SLC25A12: variants seen among roughly 807,000 people sequenced by gnomAD.
The protein encoded by SLC25A12 is solute carrier family 25 member 12.
A neutral mutation model predicts 83.3 loss-of-function variants in SLC25A12; 32 were observed. The observed-to-expected ratio is 0.38, with a 90% confidence interval of 0.29 to 0.52. The LOEUF is 0.52. SLC25A12 is among the 20% of genes least tolerant of loss of function. The pLI, the probability that SLC25A12 is intolerant of heterozygous loss-of-function variation, is 0.84. For synonymous variants in SLC25A12, 267 were observed against 291.1 expected (o/e 0.92, Z 0.84); for missense variants, 611 against 835.6 (o/e 0.73, Z 3.31).
At chr2:171,794,053 T>C (rs1179721742) in intron 13 of SLC25A12, among the ~76,000 whole-genome samples, 1 of 152,128 alleles carries the variant, frequency 6.6e-6, no homozygotes, top group Non-Finnish European at 1.5e-5. Flanking sequence ...CCCAGCCATA[T>C]TCAAAATAAC....
Position 171,827,355 on chromosome 2 carries a change from A to C in SLC25A12, c.846-473T>G, listed in dbSNP as rs551050938. 1.1e-4 allele frequency among the ~76,000 whole-genome samples: 17 copies of C among 150,838 alleles called. 1 individual carries two copies. Among genetic ancestry groups the C allele is most frequent in the Middle Eastern group, 3.4e-3 (1 of 294 alleles). ...TTTCCAACCCTTTGAGTTTTGACCC[A>C]TTTTTAGGCAGGAGAATAGGGTCTG... is the stretch of plus-strand genomic sequence containing the variant. On this transcript the variant is annotated intron_variant, in intron 8 of 17. Transcript: ENST00000422440.
At chr2:171,878,104 AC>A (rs1013076704) in intron 2 of SLC25A12, among the ~76,000 whole-genome samples, 1 of 152,164 alleles carries the variant, frequency 6.6e-6, no homozygotes, top group Non-Finnish European at 1.5e-5. Flanking sequence ...GAAACTGTGT[AC>A]CAGGCACTAT....
intron 11 of SLC25A12, among the ~76,000 whole-genome samples, chr2:171,812,816 T>TA (rs1335409200): frequency 1.4e-5 from 2 of 144,516 alleles, no homozygotes; most frequent in Admixed American, 6.9e-5. Flanking sequence ...TTTTTTTTTT[T>TA]AAACCTTCAG....
chr2:171,871,290 C>CG (rs1210616738), intron 2 of SLC25A12, among the ~76,000 whole-genome samples: 4 of 152,104 alleles, frequency 2.6e-5, no homozygotes, highest in Non-Finnish European at 5.9e-5. Context: ...AGTGGCCGGG[C>CG]GCAGTGGCTC....
intron 2 of SLC25A12, among the ~76,000 whole-genome samples, chr2:171,882,138 C>CA (rs1685707318): frequency 1.3e-5 from 2 of 152,152 alleles, no homozygotes; most frequent in African/African-American, 4.8e-5. Context: ...CCTAGGCTTC[C>CA]AGGTTTTCCA....
chr2:171,859,566 C>T (rs140940663), intron 3 of SLC25A12, among the ~76,000 whole-genome samples: 102 of 152,216 alleles, frequency 6.7e-4, no homozygotes, highest in African/African-American at 2.4e-3. Context: ...AAACATTATG[C>T]TAAATGAAAT....
intron 3 of SLC25A12, among the ~76,000 whole-genome samples, chr2:171,867,994 G>A (rs1047585235): frequency 3.3e-5 from 5 of 151,972 alleles, no homozygotes; most frequent in African/African-American, 4.8e-5. Context: ...ACAGGCGCCC[G>A]TCACCGTGTC....
intron 8 of SLC25A12, among the ~76,000 whole-genome samples, chr2:171,833,071 A>T (rs1157859435): frequency 6.6e-6 from 1 of 152,134 alleles, no homozygotes; most frequent in African/African-American, 2.4e-5. Flanking sequence ...ATGTTTGTTC[A>T]TCTTTTTACC....
At chr2:171,819,464 T>A (rs565109467) in intron 9 of SLC25A12, among the ~76,000 whole-genome samples, 43 of 103,300 alleles carry the variant, frequency 4.2e-4, no homozygotes, top group South Asian at 2.3e-3. Flanking sequence ...TATTATATAT[T>A]ATATATATTA....
At chr2:171,882,089 T>G (rs1479137188) in intron 2 of SLC25A12, among the ~76,000 whole-genome samples, 1 of 152,194 alleles carries the variant, frequency 6.6e-6, no homozygotes, top group African/African-American at 2.4e-5. Flanking sequence ...AGGCACAGAA[T>G]CTCTTGCCAT....
At chr2:171,858,124 T>C (rs1036720120) in intron 3 of SLC25A12, among the ~76,000 whole-genome samples, 4 of 152,088 alleles carry the variant, frequency 2.6e-5, no homozygotes, top group African/African-American at 9.7e-5. Context: ...TGCTGCTCAT[T>C]AGTAATGAGT....
intron 3 of SLC25A12, among the ~76,000 whole-genome samples, chr2:171,857,155 C>T (rs1383333166): frequency 6.6e-6 from 1 of 151,890 alleles, no homozygotes; most frequent in Non-Finnish European, 1.5e-5. Context: ...TGCTTGAGTC[C>T]AGGAGTTTAA....
chr2:171,836,147 G>C (rs1334381924), intron 6 of SLC25A12, among the ~76,000 whole-genome samples: 2 of 151,126 alleles, frequency 1.3e-5, no homozygotes, highest in African/African-American at 2.4e-5. Context: ...ATGAGGTGAG[G>C]GCAGGGGAGT....
At chr2:171,861,430 C>A (rs1239920958) in intron 3 of SLC25A12, among the ~76,000 whole-genome samples, 3 of 152,080 alleles carry the variant, frequency 2.0e-5, no homozygotes, top group Non-Finnish European at 2.9e-5. Flanking sequence ...TTTTAAGAAA[C>A]AAGGTCTCAA....
chr2:171,823,134 G>C (rs554366823), intron 9 of SLC25A12, among the ~76,000 whole-genome samples: 1 of 152,268 alleles, frequency 6.6e-6, no homozygotes, highest in African/African-American at 2.4e-5. Flanking sequence ...GTTAACTGAG[G>C]AATGTTTTTT....
intron 5 of SLC25A12, among the ~76,000 whole-genome samples, chr2:171,844,045 A>T (rs1684740788): frequency 6.6e-6 from 1 of 152,194 alleles, no homozygotes; most frequent in Non-Finnish European, 1.5e-5. Context: ...TCGGCCTCCC[A>T]AAGTGCTGGG....
chr2:171,871,129 G>A (rs1006284709), intron 2 of SLC25A12, among the ~76,000 whole-genome samples: 2 of 152,136 alleles, frequency 1.3e-5, no homozygotes, highest in African/African-American at 4.8e-5. Flanking sequence ...TGGAACTTGG[G>A]AGGTCGAGAC....
chr2:171,835,666 T>C (rs1684539394), intron 6 of SLC25A12, among the ~76,000 whole-genome samples: 1 of 152,260 alleles, frequency 6.6e-6, no homozygotes, highest in Non-Finnish European at 1.5e-5. Flanking sequence ...GAGGAACCCA[T>C]ATGATTGAAA....
At position 171,785,080 on chromosome 2, in the gene SLC25A12, T is replaced by C. The variant is rs1339301811; in HGVS notation, c.*194A>G. 3.4e-6 allele frequency: 2 copies of C among 588,030 alleles called. No individual in the cohort carries two copies. The highest frequency in any genetic ancestry group is 6.1e-6 in the Non-Finnish European group (2 of 327,050). The allele number at this position is 588,030 out of a possible 1,614,324, so 36.4% of individuals were successfully genotyped here. A position where few individuals can be genotyped will look rare whatever the true frequency, so the allele number is the denominator to read the frequency against. ...ACATTTCAACACATAAGACTAAAGC[T>C]TGAAACAGCGTTGTGGTTTTTTCCC... On this transcript the variant is annotated 3_prime_UTR_variant, in exon 18 of 18. Coordinates refer to ENST00000422440, the MANE Select transcript of SLC25A12 (RefSeq NM_003705.5).
Sources: allele counts gnomAD v4.1 joint callset (sites outside exome capture counted in the v4.1 genomes callset), GRCh38; gene constraint gnomAD v4.1.1; transcripts MANE v1.5; gene names NCBI Gene and HGNC (gene_info 2026-07-23, HGNC 2026-07-21).